BAZ2B: variants seen among roughly 807,000 people sequenced by gnomAD.
The protein encoded by BAZ2B is bromodomain adjacent to zinc finger domain protein 2B.
BAZ2B carries 91 observed loss-of-function variants against 246.0 expected under a neutral mutation model. That is an observed-to-expected ratio of 0.37 (90% CI 0.31 to 0.44). The LOEUF (loss-of-function observed/expected upper bound fraction) is 0.44. Among genes scored for constraint, BAZ2B ranks in the 20% least tolerant of loss-of-function variants. The pLI is 1.00. For synonymous variants in BAZ2B, 855 were observed against 860.0 expected, an observed-to-expected ratio of 0.99 and a Z score of 0.10; for missense variants, 2,332 against 2,533.7, an observed-to-expected ratio of 0.92 and a Z score of 1.71.
chr2:159,406,675 C>G (rs565338395), intron 14 of BAZ2B, among the ~76,000 whole-genome samples: 1 of 152,156 alleles, frequency 6.6e-6, no homozygotes, highest in Non-Finnish European at 1.5e-5. Flanking sequence ...AACATAATTG[C>G]TAACACGTGA....
At chr2:159,593,420 C>T (rs373302403) in intron 1 of BAZ2B, among the ~76,000 whole-genome samples, 3 of 152,278 alleles carry the variant, frequency 2.0e-5, no homozygotes, top group African/African-American at 7.2e-5. Context: ...GGGCATCATA[C>T]CAAGTTATCT....
At chr2:159,601,807 TA>T (rs747390640) in intron 1 of BAZ2B, among the ~76,000 whole-genome samples, 5 of 152,100 alleles carry the variant, frequency 3.3e-5, no homozygotes, top group African/African-American at 1.2e-4. Context: ...GGTAATATCA[TA>T]AAAAAAGTTT....
intron 2 of BAZ2B, among the ~76,000 whole-genome samples, chr2:159,545,486 AT>A (rs1218140842): frequency 2.0e-5 from 3 of 152,210 alleles, no homozygotes; most frequent in African/African-American, 4.8e-5. Flanking sequence ...ATTAACACCT[AT>A]GAATTTCAAG....
At chr2:159,662,030 C>A in the BAZ2B span, among the ~76,000 whole-genome samples, 7 of 152,206 alleles carry the variant, frequency 4.6e-5, no homozygotes, top group African/African-American at 1.7e-4. Flanking sequence ...CACTGGCAAC[C>A]ACCAATCGAC....
chr2:159,342,422 A>C (rs2066889453), intron 31 of BAZ2B, among the ~76,000 whole-genome samples: 1 of 152,184 alleles, frequency 6.6e-6, no homozygotes, highest in Non-Finnish European at 1.5e-5. Flanking sequence ...AGTAGCTGGG[A>C]CTATAGGCAC....
At chr2:159,454,436 A>G (rs2075472260) in intron 3 of BAZ2B, among the ~76,000 whole-genome samples, 1 of 152,220 alleles carries the variant, frequency 6.6e-6, no homozygotes, top group African/African-American at 2.4e-5. Flanking sequence ...CACCTAGGCT[A>G]TAGGATACAG....
At chr2:159,403,105 T>C (rs189666642) in intron 16 of BAZ2B, among the ~76,000 whole-genome samples, 1 of 152,272 alleles carries the variant, frequency 6.6e-6, no homozygotes, top group African/African-American at 2.4e-5. Flanking sequence ...CTGGTGATAT[T>C]TTTGGTCTAC....
intron 1 of BAZ2B, among the ~76,000 whole-genome samples, chr2:159,578,467 G>A (rs1685891046): frequency 1.3e-5 from 2 of 152,048 alleles, no homozygotes; most frequent in Admixed American, 1.3e-4. Flanking sequence ...CAAACAAAAT[G>A]TCCCTCAACA....
Position 159,435,022 on chromosome 2 carries a change from A to G in BAZ2B, c.1294-1659T>C, listed in dbSNP as rs1273048030. ...TCCTTTGAGTTAACAGAAGGAGCTG[A>G]ATTTCTTAATCTAAGGTAAAATTCT... On this transcript the variant is annotated intron_variant, in intron 8 of 36. Transcript: ENST00000392783. The G allele has an allele frequency of 2.0e-5, 3 of 151,894 alleles. No homozygotes were observed. The East Asian group carries it at 5.8e-4, about 29-fold the overall frequency. 9.4% of individuals were successfully genotyped at this position (151,894 alleles called of 1,614,324 possible).
chr2:159,397,395 A>T lies in BAZ2B; in HGVS notation c.2965-6T>A, dbSNP rs1322403343. The T allele has an allele frequency of 2.0e-6, 3 of 1,531,394 alleles. No individual in the cohort carries two copies. In the Admixed American group the frequency reaches 5.5e-5, roughly 28 times the overall value. The allele number at this position is 1,531,394 out of a possible 1,614,324, so 94.9% of individuals were successfully genotyped here. A position where few individuals can be genotyped will look rare whatever the true frequency, so the allele number is the denominator to read the frequency against. ...TGTCTTCTCATTTCTTTTTCCTTAAAAATAAGAAACTTTTAATACGTGATT... is the reference window on the plus strand; with the variant it reads ...TGTCTTCTCATTTCTTTTTCCTTAATAATAAGAAACTTTTAATACGTGATT... On this transcript the variant is annotated splice_polypyrimidine_tract_variant and splice_region_variant and intron_variant, in intron 18 of 36. Coordinates refer to ENST00000392783, the MANE Select transcript of BAZ2B (RefSeq NM_013450.4).
At chr2:159,343,009 T>G (rs2067024487) in intron 31 of BAZ2B, among the ~76,000 whole-genome samples, 1 of 151,966 alleles carries the variant, frequency 6.6e-6, no homozygotes, top group Non-Finnish European at 1.5e-5. Context: ...TACTAAGACT[T>G]CAAAATAAAC....
intron 1 of BAZ2B, among the ~76,000 whole-genome samples, chr2:159,558,206 T>C (rs752195522): frequency 6.6e-5 from 10 of 152,282 alleles, no homozygotes; most frequent in Middle Eastern, 6.8e-3. Context: ...AGTGTCACCA[T>C]AGGCCATTCA....
At chr2:159,315,708 A>G (rs916550676), downstream of BAZ2B, among the ~76,000 whole-genome samples, 1 of 152,212 alleles carries the variant, frequency 6.6e-6, no homozygotes, top group Admixed American at 6.5e-5. Flanking sequence ...CCCCGACACA[A>G]TGTGGAAAGG....
intron 12 of BAZ2B, 58 bp from the exon 13 acceptor site, chr2:159,428,100 T>A: frequency 6.8e-7 from 1 of 1,479,718 alleles, no homozygotes; most frequent in Non-Finnish European, 9.4e-7. Context: ...CCAGCTTTGA[T>A]GTATAGCTAG....
chr2:159,377,750 T>C (rs2061554846), intron 25 of BAZ2B, among the ~76,000 whole-genome samples: 1 of 146,776 alleles, frequency 6.8e-6, no homozygotes, highest in Non-Finnish European at 1.5e-5. Flanking sequence ...AGGCGGAGGT[T>C]GCAGTGAGCT....
intron 31 of BAZ2B, among the ~76,000 whole-genome samples, chr2:159,338,735 T>G (rs1022294644): frequency 1.3e-5 from 2 of 152,236 alleles, no homozygotes. Flanking sequence ...GCTCTGCTCA[T>G]GCTGTTCCCA....
At chr2:159,593,976 T>C (rs1689998096) in intron 1 of BAZ2B, among the ~76,000 whole-genome samples, 1 of 152,212 alleles carries the variant, frequency 6.6e-6, no homozygotes, top group Non-Finnish European at 1.5e-5. Context: ...AGTGTACAAT[T>C]AGCTGGCATT....
rs572319060 is a variant in BAZ2B, at chr2:159,323,686, C to A, written c.6353+1125G>T. ...AGGCATGGTGGCGTGCACCTGTAAT[C>A]CCAGCTACTTGGGAGGCTGAGGCAG... On this transcript the variant is annotated intron_variant, in intron 36 of 36. Transcript: ENST00000392783. Among the ~76,000 whole-genome samples, 240 of 152,002 alleles carry A rather than the reference C, an allele frequency of 1.6e-3. 2 individuals are homozygous for A. The highest frequency in any genetic ancestry group is 5.2e-4 in the Admixed American group (8 of 15,252).
At chr2:159,606,640 T>C (rs533155474) in intron 1 of BAZ2B, among the ~76,000 whole-genome samples, 25 of 152,294 alleles carry the variant, frequency 1.6e-4, no homozygotes, top group African/African-American at 5.1e-4. Context: ...AAACTTATCC[T>C]TGTACAAGAT....
Sources: allele counts gnomAD v4.1 joint callset (sites outside exome capture counted in the v4.1 genomes callset), GRCh38; gene constraint gnomAD v4.1.1; transcripts MANE v1.5; gene names NCBI Gene and HGNC (gene_info 2026-07-23, HGNC 2026-07-21).